GREB1: variants seen among roughly 807,000 people sequenced by gnomAD.
GREB1 encodes protein GREB1.
GREB1 carries 106 observed loss-of-function variants against 200.7 expected under a neutral mutation model. The observed-to-expected ratio is 0.53, with a 90% CI of 0.45 to 0.62. The LOEUF is 0.62. Ranked by LOEUF, GREB1 falls within the 20% of genes least tolerant of loss-of-function variation. The probability of loss-of-function intolerance (pLI) is 0.00; values close to 1 mark genes in which losing one functional copy is unlikely to be tolerated. For synonymous variants in GREB1, 1,132 were observed against 1,092.4 expected (o/e 1.04, Z -0.72); for missense variants, 2,243 against 2,556.8 (o/e 0.88, Z 2.65).
chr2:11,528,020 A>G (rs1673946373), intron 1 of GREB1, among the ~76,000 whole-genome samples: 2 of 152,198 alleles, frequency 1.3e-5, no homozygotes, highest in Admixed American at 6.5e-5. Context: ...ATAAACACAC[A>G]ATATCTCAGA....
intron 10 of GREB1, among the ~76,000 whole-genome samples, chr2:11,589,902 C>T (rs1680558741): frequency 6.6e-6 from 1 of 152,200 alleles, no homozygotes; most frequent in African/African-American, 2.4e-5. Flanking sequence ...TACAAGATGC[C>T]CACGAGACAG....
chr2:11,520,819 C>T (rs953070476), intron 1 of GREB1, among the ~76,000 whole-genome samples: 10 of 152,284 alleles, frequency 6.6e-5, no homozygotes, highest in East Asian at 1.9e-4. Context: ...TGACAGGTGC[C>T]GGGCTTTAGG....
At chr2:11,546,172 G>A (rs11692389) in intron 1 of GREB1, among the ~76,000 whole-genome samples, 74,672 of 148,918 alleles carry the variant, frequency 0.5, 22,034 homozygotes, top group South Asian at 0.77. Context: ...GCGAGATTCC[G>A]TCTCAAAAAA....
intron 1 of GREB1, among the ~76,000 whole-genome samples, chr2:11,510,689 T>C (rs1006479521): frequency 1.6e-3 from 1 of 626 alleles, no homozygotes; most frequent in African/African-American, 2.3e-3. Flanking sequence ...AACATATGGA[T>C]TTTTTTTTTT....
chr2:11,609,232 G>A (rs1052823584), intron 17 of GREB1, among the ~76,000 whole-genome samples: 1 of 112,236 alleles, frequency 8.9e-6, no homozygotes, highest in Non-Finnish European at 2.0e-5. Context: ...TTTCTTCCTG[G>A]GCATTATTAT....
At chr2:11,637,605 C>T (rs1351464310) in intron 30 of GREB1, 111 bp from the exon 31 acceptor site, 6 of 796,776 alleles carry the variant, frequency 7.5e-6, no homozygotes, top group Admixed American at 6.5e-5. Context: ...TCAGTTCATT[C>T]CCCTGAGTGA....
chr2:11,490,705 C>T (rs1308054577), intron 1 of GREB1, among the ~76,000 whole-genome samples: 3 of 152,114 alleles, frequency 2.0e-5, no homozygotes, highest in African/African-American at 4.8e-5. Flanking sequence ...TGCAGCACCA[C>T]GCCCGGCTAA....
At chr2:11,578,603 A>G (rs1572783133) in intron 6 of GREB1, among the ~76,000 whole-genome samples, 172 bp downstream of exon 6, 1 of 152,226 alleles carries the variant, frequency 6.6e-6, no homozygotes, top group Non-Finnish European at 1.5e-5. Flanking sequence ...TCAACAAAGA[A>G]TGCTAGGTTT....
rs1200627199 is a variant in GREB1, at chr2:11,633,736, C to G, written c.4992-395C>G. Among the ~76,000 whole-genome samples, 1 of 149,344 alleles carries G rather than the reference C, an allele frequency of 6.7e-6. No homozygotes were observed. The highest frequency in any genetic ancestry group is 1.5e-5 in the Non-Finnish European group (1 of 66,170). On this transcript the variant is annotated intron_variant, in intron 28 of 32. Coordinates refer to ENST00000381486, the MANE Select transcript of GREB1 (RefSeq NM_014668.4). The surrounding 1 kb of genome is among the most constrained non-coding windows in gnomAD (Gnocchi z 4.1). ...CGATATTAAGAAAGGGACATTGCTG[C>G]CCCCCCAGAAACTCCCTTCCTGCTG...
chr2:11,629,396 C>T lies in GREB1; in HGVS notation c.4450-552C>T, dbSNP rs955679251. 6.6e-6 allele frequency among the ~76,000 whole-genome samples: 1 copy of T among 152,090 alleles called. No individual in the cohort carries two copies. The highest frequency in any genetic ancestry group is 1.5e-5 in the Non-Finnish European group (1 of 68,026). ...CAGACTTGGTGACTTGGTGACAGAG[C>T]CCAAGGTCTCTGAATGTCAGTTTTC... On this transcript the variant is annotated intron_variant, in intron 25 of 32. Coordinates refer to ENST00000381486, the MANE Select transcript of GREB1 (RefSeq NM_014668.4). This position sits in a 1 kb window ranked among gnomAD's most constrained non-coding sequence, Gnocchi z 5.2.
chr2:11,552,346 A>G (rs4669748), intron 1 of GREB1, among the ~76,000 whole-genome samples: 89,073 of 152,078 alleles, frequency 0.59, 26,932 homozygotes, highest in South Asian at 0.8. Flanking sequence ...TGCAGCAGGG[A>G]TCTAGCAAAG....
intron 3 of GREB1, among the ~76,000 whole-genome samples, chr2:11,566,019 T>TTATA (rs60231852): frequency 1.1e-3 from 163 of 149,070 alleles, no homozygotes; most frequent in African/African-American, 3.3e-3. Flanking sequence ...ATAACTATGA[T>TTATA]TATATATATA....
At position 11,640,637 on chromosome 2, in the gene GREB1, G is replaced by T. The variant is rs535799803; in HGVS notation, c.*183G>T. On this transcript the variant is annotated 3_prime_UTR_variant, in exon 33 of 33. Transcript: ENST00000381486. This position sits in a 1 kb window ranked among gnomAD's most constrained non-coding sequence, Gnocchi z 4.6. Reference sequence around the variant, plus strand: ...TGGTCCTGGGAGCCAGGAAGACTCCGCAGTGGGTGAGAATGAAAACTTGAG... The same window carrying T: ...TGGTCCTGGGAGCCAGGAAGACTCCTCAGTGGGTGAGAATGAAAACTTGAG... 1.3e-5 allele frequency: 8 copies of T among 623,544 alleles called. No homozygotes were observed. The Admixed American group carries it at 2.2e-4, about 18-fold the overall frequency. 38.6% of individuals were successfully genotyped at this position (623,544 alleles called of 1,614,324 possible). A position where few individuals can be genotyped will look rare whatever the true frequency, so the allele number is the denominator to read the frequency against.
At position 11,615,101 on chromosome 2, in the gene GREB1, T is replaced by C; in HGVS notation, c.3133T>C (p.Tyr1045His). The C allele has an allele frequency of 6.2e-7, 1 of 1,613,568 alleles. No homozygotes were observed. ...TCTGTGTCTTGCTAGGTCTTTGAGG[T>C]ACTGTGACCTGCGATTGATAAACTC... is the stretch of plus-strand genomic sequence containing the variant. Reference protein sequence around the residue: ...HGESLPRSLRYCDLRLINSSC... With the variant: ...HGESLPRSLRHCDLRLINSSC... Residue 1045 changes from tyrosine to histidine, a missense_variant, in exon 20 of 33, where the codon TAC becomes CAC. By Grantham distance (83) the Tyr-to-His change is moderately conservative. Around this residue, in one of 3 missense-constraint regions of GREB1, gnomAD observed 1,178 missense variants for 1,387.4 expected, o/e 0.85. Transcript: ENST00000381486.
At chr2:11,588,265 G>T in intron 9 of GREB1, 2 of 1,051,086 alleles carry the variant, frequency 1.9e-6, no homozygotes, top group South Asian at 3.3e-5. Context: ...TCTGGTCTCT[G>T]TGGTGATATA....
At chr2:11,598,027 C>A in intron 14 of GREB1, 49 bp downstream of exon 14, 3 of 1,370,192 alleles carry the variant, frequency 2.2e-6, no homozygotes, top group Non-Finnish European at 3.1e-6. Context: ...CTTTGATCTG[C>A]CGAAATCCAT....
At chr2:11,574,498 G>A (rs1409219206) in intron 4 of GREB1, among the ~76,000 whole-genome samples, 1 of 152,130 alleles carries the variant, frequency 6.6e-6, no homozygotes, top group East Asian at 1.9e-4. Context: ...GAGGGCAGTG[G>A]GAGCGGGCTG....
Position 11,578,310 on chromosome 2 carries a change from G to A in GREB1, c.651G>A (p.Arg217=). The A allele has an allele frequency of 6.2e-7, 1 of 1,613,002 alleles. No homozygotes were observed. The stretch of plus-strand genomic sequence containing the variant: ...TTGCCCCCTTAGAGTTTAGAAGCCG[G>A]CAGATCCCCGCCAGTACTTGTTCCA... The part of the protein sequence containing the change: ...ICWKGSEFRS[R]QIPASTCSSS... The change falls in exon 6 of 33, where the codon CGG becomes CGA. Residue 217 remains arginine (R), a synonymous_variant. Coordinates refer to ENST00000381486, the MANE Select transcript of GREB1 (RefSeq NM_014668.4).
chr2:11,582,945 C>G (rs1558582271), intron 7 of GREB1, among the ~76,000 whole-genome samples: 1 of 152,160 alleles, frequency 6.6e-6, no homozygotes, highest in Non-Finnish European at 1.5e-5. Context: ...TTTGTTGTCC[C>G]AGGCCCAGGG....
Sources: allele counts gnomAD v4.1 joint callset (sites outside exome capture counted in the v4.1 genomes callset), GRCh38; gene constraint gnomAD v4.1.1; regional missense constraint gnomAD v4.1.1; non-coding constraint Gnocchi (gnomAD v3.1); transcripts MANE v1.5; gene names NCBI Gene and HGNC (gene_info 2026-07-23, HGNC 2026-07-21).